The following SNTB1 variants were observed in gnomAD, a reference collection of about 807,000 sequenced individuals.
SNTB1 encodes beta-1-syntrophin.
SNTB1 carries 36 observed loss-of-function variants against 48.9 expected under a neutral mutation model. The ratio of observed to expected loss-of-function variants is 0.74; its 90% CI spans 0.56 to 0.97. The LOEUF (loss-of-function observed/expected upper bound fraction) is 0.97. Among genes scored for constraint, SNTB1 ranks in the 50% least tolerant of loss-of-function variants. SNTB1 has a pLI of 0.00. For missense variants in SNTB1, 786 were observed against 703.4 expected (o/e 1.12, Z -1.33); for synonymous variants, 299 against 294.6 (o/e 1.01, Z -0.15).
intron 2 of SNTB1, among the ~76,000 whole-genome samples, chr8:120,679,355 T>G (rs6987331): frequency 0.29 from 44,088 of 152,088 alleles, 7,442 homozygotes; most frequent in Admixed American, 0.37. Flanking sequence ...GCAGTCGTAC[T>G]CTAAGTCTCA....
intron 1 of SNTB1, among the ~76,000 whole-genome samples, chr8:120,787,455 T>TA (rs974548748): frequency 3.3e-5 from 5 of 150,182 alleles, no homozygotes; most frequent in South Asian, 2.1e-4. Context: ...AGAAGAAAGG[T>TA]AAAAAAAACA....
At chr8:120,797,723 G>A (rs970539401) in intron 1 of SNTB1, among the ~76,000 whole-genome samples, 2 of 151,778 alleles carry the variant, frequency 1.3e-5, no homozygotes, top group Non-Finnish European at 1.5e-5. Context: ...CGTAATAAGA[G>A]TCAACACATG....
chr8:120,654,746 A>G, intron 2 of SNTB1: 1 of 268,636 alleles, frequency 3.7e-6, no homozygotes, highest in South Asian at 3.4e-5. Context: ...CATGGAGCCA[A>G]GTGATATTTC....
At chr8:120,700,156 CGTGT>C (rs58077307) in intron 1 of SNTB1, among the ~76,000 whole-genome samples, 23 of 149,178 alleles carry the variant, frequency 1.5e-4, no homozygotes, top group Non-Finnish European at 1.2e-4. Context: ...AAAAAAATTG[CGTGT>C]GTGTGTGTGT....
At chr8:120,712,414 CAAA>C (rs370583854) in intron 1 of SNTB1, among the ~76,000 whole-genome samples, 2 of 81,326 alleles carry the variant, frequency 2.5e-5, no homozygotes, top group African/African-American at 4.4e-5. Flanking sequence ...GACTCCATCT[CAAA>C]AAAAAAAAAA....
intron 1 of SNTB1, among the ~76,000 whole-genome samples, chr8:120,800,880 G>T (rs1820214780): frequency 6.6e-6 from 1 of 151,914 alleles, no homozygotes; most frequent in African/African-American, 2.4e-5. Context: ...GCCTAGAATT[G>T]ATATATCAAG....
chr8:120,613,655 C>T lies in SNTB1; in HGVS notation c.996+18789G>A, dbSNP rs908618888. Among the ~76,000 whole-genome samples the T allele has an allele frequency of 3.3e-5, 5 of 152,244 alleles. No individual in the cohort carries two copies. The South Asian group carries it at 6.2e-4, about 19-fold the overall frequency. Reference sequence around the variant, plus strand: ...AATATAAGGTTTACTGACATTTATACAGGAAAAAGTACATGGCATTCTTTG... The same window carrying T: ...AATATAAGGTTTACTGACATTTATATAGGAAAAAGTACATGGCATTCTTTG... On this transcript the variant is annotated intron_variant, in intron 3 of 6. Transcript: ENST00000517992.
intron 1 of SNTB1, among the ~76,000 whole-genome samples, chr8:120,708,319 G>T (rs1455961679): frequency 6.6e-6 from 1 of 151,600 alleles, no homozygotes; most frequent in Non-Finnish European, 1.5e-5. Context: ...TAATTTTAAA[G>T]AAAATTTTTA....
intron 3 of SNTB1, among the ~76,000 whole-genome samples, chr8:120,603,127 G>C (rs1816450496): frequency 6.6e-6 from 1 of 151,176 alleles, no homozygotes; most frequent in Non-Finnish European, 1.5e-5. Context: ...TTTTGAGACG[G>C]GGTTTCGCTC....
intron 2 of SNTB1, among the ~76,000 whole-genome samples, chr8:120,650,990 G>A (rs1817403374): frequency 6.6e-6 from 1 of 152,148 alleles, no homozygotes; most frequent in Non-Finnish European, 1.5e-5. Context: ...TTCTTTATCT[G>A]TAGAATGCCT....
intron 2 of SNTB1, among the ~76,000 whole-genome samples, chr8:120,681,506 T>C (rs1817930786): frequency 6.6e-6 from 1 of 151,934 alleles, no homozygotes; most frequent in South Asian, 2.1e-4. Flanking sequence ...AGAGACAGGG[T>C]AGGGGGTGAT....
intron 3 of SNTB1, among the ~76,000 whole-genome samples, chr8:120,577,599 C>A (rs1815972223): frequency 6.6e-6 from 1 of 152,170 alleles, no homozygotes; most frequent in African/African-American, 2.4e-5. Context: ...ACAAATGATC[C>A]TCCCAAAGTG....
chr8:120,642,478 G>C (rs953146877), intron 2 of SNTB1, among the ~76,000 whole-genome samples: 1 of 152,176 alleles, frequency 6.6e-6, no homozygotes, highest in African/African-American at 2.4e-5. Context: ...ACCACCACAG[G>C]CCTCTCTGAG....
chr8:120,612,636 C>T (rs1563831535), intron 3 of SNTB1, among the ~76,000 whole-genome samples: 2 of 152,182 alleles, frequency 1.3e-5, no homozygotes, highest in Admixed American at 1.3e-4. Flanking sequence ...TCACTGCAAC[C>T]TCCGCCTCCT....
chr8:120,770,360 C>T lies in SNTB1; in HGVS notation c.571+40913G>A, dbSNP rs149524122. Among the ~76,000 whole-genome samples the T allele has an allele frequency of 5.1e-3, 778 of 152,020 alleles. 9 individuals are homozygous for T. The highest frequency in any genetic ancestry group is 0.018 in the African/African-American group (757 of 41,412). ...CACATTCCCTACAGACGACATCCAC[C>T]TCTCTCCTTAAGATATGAGCTAGGT... is the stretch of plus-strand genomic sequence containing the variant. On this transcript the variant is annotated intron_variant, in intron 1 of 6. Transcript: ENST00000517992.
intron 3 of SNTB1, among the ~76,000 whole-genome samples, chr8:120,621,397 T>A (rs77207591): frequency 0.033 from 5,007 of 152,222 alleles, 285 homozygotes; most frequent in African/African-American, 0.11. Flanking sequence ...CCAAGATTAG[T>A]TCAGGGAAGA....
chr8:120,541,721 C>A, intron 6 of SNTB1, 89 bp downstream of exon 6: 1 of 944,980 alleles, frequency 1.1e-6, no homozygotes, highest in South Asian at 2.4e-5. Context: ...CATTAGCAGT[C>A]AAATGCCGAA....
At chr8:120,722,697 G>A (rs1457214636) in intron 1 of SNTB1, among the ~76,000 whole-genome samples, 1 of 152,132 alleles carries the variant, frequency 6.6e-6, no homozygotes, top group Non-Finnish European at 1.5e-5. Flanking sequence ...TAGGTTACCT[G>A]TTCACTCTGA....
chr8:120,727,694 G>C (rs1304877579), intron 1 of SNTB1, among the ~76,000 whole-genome samples: 1 of 152,164 alleles, frequency 6.6e-6, no homozygotes, highest in East Asian at 1.9e-4. Flanking sequence ...AAGAGCAGAA[G>C]TTTTTATCAT....
Sources: allele counts gnomAD v4.1 joint callset (sites outside exome capture counted in the v4.1 genomes callset), GRCh38; gene constraint gnomAD v4.1.1; transcripts MANE v1.5; gene names NCBI Gene and HGNC (gene_info 2026-07-23, HGNC 2026-07-21).